IMMP2L: variants seen among roughly 807,000 people sequenced by gnomAD.
The protein encoded by IMMP2L is inner mitochondrial membrane peptidase subunit 2.
Under a neutral mutation model 19.3 loss-of-function variants are expected in IMMP2L, and 18 were observed. The ratio of observed to expected loss-of-function variants is 0.93; its 90% CI spans 0.64 to 1.38. IMMP2L has a LOEUF of 1.38. Among genes scored for constraint, IMMP2L ranks in the 40% most tolerant of loss-of-function variants. IMMP2L has a pLI of 0.00. For missense variants in IMMP2L, 233 were observed against 218.2 expected, an observed-to-expected ratio of 1.07 and a Z score of -0.43; for synonymous variants, 76 against 73.0, an observed-to-expected ratio of 1.04 and a Z score of -0.21.
At chr7:110,880,932 A>G (rs1361567311) in intron 5 of IMMP2L, among the ~76,000 whole-genome samples, 1 of 152,156 alleles carries the variant, frequency 6.6e-6, no homozygotes, top group Non-Finnish European at 1.5e-5. Context: ...CTACACTAGC[A>G]GAATAATTAA....
chr7:110,919,828 C>G (rs1016237193), intron 4 of IMMP2L, among the ~76,000 whole-genome samples: 14 of 152,028 alleles, frequency 9.2e-5, no homozygotes, highest in Non-Finnish European at 1.8e-4. Context: ...GAGGGTGTTG[C>G]CGAAGGAGAT....
chr7:111,297,100 G>T (rs1821716784), intron 3 of IMMP2L, among the ~76,000 whole-genome samples: 1 of 152,012 alleles, frequency 6.6e-6, no homozygotes, highest in African/African-American at 2.4e-5. Flanking sequence ...CTAGAATGAG[G>T]AATCTTTGGG....
At chr7:111,111,044 A>G (rs1262498218) in intron 3 of IMMP2L, among the ~76,000 whole-genome samples, 1 of 152,158 alleles carries the variant, frequency 6.6e-6, no homozygotes, top group Non-Finnish European at 1.5e-5. Context: ...ATAATCCTAA[A>G]TTATCTGGAA....
intron 3 of IMMP2L, among the ~76,000 whole-genome samples, chr7:111,232,375 T>C (rs1483105991): frequency 7.1e-6 from 1 of 140,798 alleles, no homozygotes; most frequent in African/African-American, 2.7e-5. Flanking sequence ...TTTGGAGGGT[T>C]TTTTTTTTTT....
intron 5 of IMMP2L, among the ~76,000 whole-genome samples, chr7:110,665,916 T>A (rs1791416953): frequency 6.6e-6 from 1 of 152,224 alleles, no homozygotes; most frequent in Admixed American, 6.5e-5. Context: ...CTTATTACAT[T>A]AGGGATTACA....
chr7:110,962,064 A>G (rs1819005138), intron 4 of IMMP2L, among the ~76,000 whole-genome samples: 3 of 152,112 alleles, frequency 2.0e-5, no homozygotes, highest in Admixed American at 2.0e-4. Flanking sequence ...GGTGAATTGT[A>G]TGGTAAATAA....
chr7:111,149,389 G>C (rs541090446), intron 3 of IMMP2L, among the ~76,000 whole-genome samples: 4 of 152,124 alleles, frequency 2.6e-5, no homozygotes, highest in Non-Finnish European at 5.9e-5. Context: ...CTTGAACAAC[G>C]TGGGGTTTAG....
intron 3 of IMMP2L, among the ~76,000 whole-genome samples, chr7:111,052,033 T>G (rs1245597648): frequency 1.3e-5 from 2 of 152,082 alleles, no homozygotes; most frequent in African/African-American, 4.8e-5. Flanking sequence ...AAAATAGAGG[T>G]CATCAGAATG....
chr7:110,882,674 C>T (rs577724135), intron 5 of IMMP2L, among the ~76,000 whole-genome samples: 1 of 152,222 alleles, frequency 6.6e-6, no homozygotes, highest in East Asian at 1.9e-4. Context: ...AGCCACCATG[C>T]CCAGCTGTCA....
intron 3 of IMMP2L, among the ~76,000 whole-genome samples, chr7:111,474,062 A>T (rs1311043851): frequency 1.3e-5 from 2 of 152,180 alleles, no homozygotes; most frequent in Non-Finnish European, 2.9e-5. Context: ...AGAATAAATT[A>T]ATGCAGGAAC....
At chr7:111,229,162 T>C (rs1378779566) in intron 3 of IMMP2L, among the ~76,000 whole-genome samples, 1 of 152,022 alleles carries the variant, frequency 6.6e-6, no homozygotes, top group East Asian at 1.9e-4. Context: ...GTAACTTCTT[T>C]CCACACTGAT....
At chr7:110,963,095 GA>G (rs1424405206) in intron 4 of IMMP2L, 5 of 1,515,476 alleles carry the variant, frequency 3.3e-6, no homozygotes, top group East Asian at 4.9e-5. Context: ...CCATCTCTAT[GA>G]GTACAAAAGA....
Position 111,213,545 on chromosome 7 carries a change from T to G in IMMP2L, c.240-249980A>C, listed in dbSNP as rs1811564273. Among the ~76,000 whole-genome samples, 1 of 152,154 alleles carries G rather than the reference T, an allele frequency of 6.6e-6. No homozygotes were observed. The highest frequency in any genetic ancestry group is 2.1e-4 in the South Asian group (1 of 4,830). On this transcript the variant is annotated intron_variant, in intron 3 of 5. Transcript: ENST00000405709. The surrounding 1 kb of genome is among the most constrained non-coding windows in gnomAD (Gnocchi z 4.8). ...TCGTGCAAACCAGAATGGGAACTTGTGGTACCTTCCAGCCCTGCCTATGGC... is the reference window on the plus strand; with the variant it reads ...TCGTGCAAACCAGAATGGGAACTTGGGGTACCTTCCAGCCCTGCCTATGGC...
At chr7:111,486,848 T>C (rs1013272042) in intron 3 of IMMP2L, among the ~76,000 whole-genome samples, 4 of 152,158 alleles carry the variant, frequency 2.6e-5, no homozygotes, top group African/African-American at 9.7e-5. Flanking sequence ...ATGATTTTCA[T>C]GTCATAATTA....
At chr7:110,839,620 G>A (rs944501741) in intron 5 of IMMP2L, among the ~76,000 whole-genome samples, 2 of 152,010 alleles carry the variant, frequency 1.3e-5, no homozygotes, top group Admixed American at 6.6e-5. Context: ...ATGCTTAAAC[G>A]TGTGCACATA....
At chr7:111,234,315 G>A (rs1164552911) in intron 3 of IMMP2L, among the ~76,000 whole-genome samples, 1 of 152,024 alleles carries the variant, frequency 6.6e-6, no homozygotes, top group Admixed American at 6.6e-5. Flanking sequence ...AGTTACACCA[G>A]ATTCATAGGG....
At chr7:110,935,400 C>A (rs1815990495) in intron 4 of IMMP2L, among the ~76,000 whole-genome samples, 1 of 149,102 alleles carries the variant, frequency 6.7e-6, no homozygotes, top group Admixed American at 6.7e-5. Flanking sequence ...TTGTGAGTAA[C>A]CCGACCTTTC....
At chr7:111,145,000 T>C (rs1274845925) in intron 3 of IMMP2L, among the ~76,000 whole-genome samples, 1 of 151,668 alleles carries the variant, frequency 6.6e-6, no homozygotes. Flanking sequence ...CCTGGGAGAG[T>C]TGAGCTAAAT....
intron 3 of IMMP2L, among the ~76,000 whole-genome samples, chr7:111,002,063 A>G (rs1460488369): frequency 6.6e-6 from 1 of 152,124 alleles, no homozygotes; most frequent in Non-Finnish European, 1.5e-5. Context: ...TATAATAACT[A>G]TAGCCTTTTT....
Sources: gnomAD v4.1 joint callset for allele counts (sites outside exome capture counted in the v4.1 genomes callset) on GRCh38, gnomAD v4.1.1 for gene constraint, Gnocchi (gnomAD v3.1) non-coding constraint, MANE v1.5 for transcripts, NCBI Gene and HGNC (gene_info 2026-07-23, HGNC 2026-07-21) for gene names.